CHRND: variants seen among roughly 807,000 people sequenced by gnomAD.
CHRND encodes the protein acetylcholine receptor subunit delta.
A neutral mutation model predicts 57.8 loss-of-function variants in CHRND; 40 were observed. That is an observed-to-expected ratio of 0.69 (90% confidence interval 0.54 to 0.90). The LOEUF (loss-of-function observed/expected upper bound fraction) is 0.90. CHRND is among the 40% of genes least tolerant of loss of function. The pLI is 0.00. For missense variants in CHRND, 634 were observed against 673.9 expected (o/e 0.94, Z 0.66); for synonymous variants, 237 against 270.6 (o/e 0.88, Z 1.22).
Position 232,526,198 on chromosome 2 carries a change from C to G in CHRND, c.-18C>G, listed in dbSNP as rs1396299411. The G allele has an allele frequency of 6.2e-7, 1 of 1,607,890 alleles. No homozygotes were observed. The highest frequency in any genetic ancestry group is 1.1e-5 in the South Asian group (1 of 90,878). On this transcript the variant is annotated 5_prime_UTR_variant, in exon 1 of 12. Transcript: ENST00000258385. Reference sequence around the variant, plus strand: ...GTAGACAGGAGGGGCAGATGCACGTCCCAGTCAGAGGGATGGGATGGAGGG... The same window carrying G: ...GTAGACAGGAGGGGCAGATGCACGTGCCAGTCAGAGGGATGGGATGGAGGG...
intron 5 of CHRND, 65 bp from the exon 6 acceptor site, chr2:232,528,797 C>T (rs1691578173): frequency 6.4e-7 from 1 of 1,570,428 alleles, no homozygotes; most frequent in African/African-American, 1.4e-5. Context: ...CCCTTACCAG[C>T]CCTTCCCCAC....
intron 2 of CHRND, 25 bp from the exon 3 acceptor site, chr2:232,527,376 G>C: frequency 6.3e-7 from 1 of 1,592,518 alleles, no homozygotes; most frequent in Non-Finnish European, 8.6e-7. Flanking sequence ...TGGCCCTGAA[G>C]GATGGCCCTA....
Position 232,531,437 on chromosome 2 carries a change from A to G in CHRND, c.906A>G (p.Thr302=). 6.2e-7 allele frequency: 1 copy of G among 1,613,850 alleles called. No individual in the cohort carries two copies. The highest frequency in any genetic ancestry group is 8.5e-7 in the Non-Finnish European group (1 of 1,179,934). Residue 302 remains threonine, a synonymous_variant, in exon 8 of 12, where the codon ACA becomes ACG. Transcript: ENST00000258385. ...LLLISKRLPA[T]SMAIPLIGKF... is the part of the protein sequence containing the mutation. The stretch of plus-strand genomic sequence containing the variant: ...TCATCTCCAAGCGTCTGCCTGCCAC[A>G]TCCATGGCCATCCCCCTTATCGGCA...
chr2:232,529,857 C>A, intron 6 of CHRND, 82 bp from the exon 7 acceptor site: 1 of 1,487,802 alleles, frequency 6.7e-7, no homozygotes, highest in South Asian at 1.2e-5. Flanking sequence ...GCTTGCCCTG[C>A]CCAGCCCCTC....
At position 232,531,643 on chromosome 2, in the gene CHRND, AG is replaced by A. The variant is rs751265469; in HGVS notation, c.1039del (p.Val347SerfsTer89). On this transcript the variant is annotated frameshift_variant, in exon 9 of 12. Coordinates refer to ENST00000258385, the MANE Select transcript of CHRND (RefSeq NM_000751.3). LOFTEE classifies it high-confidence loss of function. Reference protein sequence around the residue: ...FRTPSTHVLSEGVKKLFLETL... With the variant: ...FRTPSTHVLSXGVKKLFLETL... ...ACACCCAGCACCCATGTGCTGTCTGAGGGGGTCAAGAAGGTGAGTACTTGGC... is the reference window on the plus strand; with the variant it reads ...ACACCCAGCACCCATGTGCTGTCTGAGGGGTCAAGAAGGTGAGTACTTGGC... 6.2e-7 allele frequency: 1 copy of A among 1,613,198 alleles called. No homozygotes were observed.
intron 7 of CHRND, 149 bp from the exon 8 acceptor site, chr2:232,531,203 T>A: frequency 1.4e-6 from 1 of 702,864 alleles, no homozygotes; most frequent in Admixed American, 2.1e-5. Context: ...GCACTCTAGC[T>A]CCATAACCCG....
At chr2:232,526,322 C>A in intron 1 of CHRND, 55 bp downstream of exon 1, 1 of 1,579,538 alleles carries the variant, frequency 6.3e-7, no homozygotes, top group South Asian at 1.1e-5. Flanking sequence ...TACCCAGGCC[C>A]CACACCGCAT....
Position 232,531,390 on chromosome 2 carries a change from G to T in CHRND, c.859G>T (p.Ala287Ser), listed in dbSNP as rs1691690683. ...ATCAGTGGCCATCTCGGTGCTCCTG[G>T]CTCAGTCTGTCTTCCTGCTGCTCAT... ...KTSVAISVLLAQSVFLLLISK... is the reference protein window; with the variant it reads ...KTSVAISVLLSQSVFLLLISK... Residue 287 changes from alanine to serine, a missense_variant, in exon 8 of 12, where the codon GCT becomes TCT. Ala to Ser is a moderately conservative substitution (Grantham distance 99, BLOSUM62 1). Transcript: ENST00000258385. 7 of 1,613,864 alleles carry T rather than the reference G, an allele frequency of 4.3e-6. No individual in the cohort carries two copies. Among genetic ancestry groups the T allele is most frequent in the Non-Finnish European group, 5.9e-6 (7 of 1,180,000 alleles).
intron 9 of CHRND, among the ~76,000 whole-genome samples, chr2:232,533,489 C>T (rs532782580): frequency 5.9e-5 from 9 of 152,268 alleles, no homozygotes; most frequent in Admixed American, 4.6e-4. Flanking sequence ...AGTAGGAGAT[C>T]GGGGAATCAA....
chr2:232,534,442 C>G, intron 11 of CHRND, 100 bp downstream of exon 11: 1 of 1,173,204 alleles, frequency 8.5e-7, no homozygotes, highest in South Asian at 1.3e-5. Flanking sequence ...AGGCACACAC[C>G]AACTTAGATG....
At position 232,531,425 on chromosome 2, in the gene CHRND, T is replaced by A; in HGVS notation, c.894T>A (p.Arg298=). The change falls in exon 8 of 12, where the codon CGT becomes CGA. Residue 298 remains arginine, a synonymous_variant. Coordinates refer to ENST00000258385, the MANE Select transcript of CHRND (RefSeq NM_000751.3). ...TCTTCCTGCTGCTCATCTCCAAGCG[T>A]CTGCCTGCCACATCCATGGCCATCC... The part of the protein sequence containing the change: ...QSVFLLLISK[R]LPATSMAIPL... 6.2e-7 allele frequency: 1 copy of A among 1,613,948 alleles called. No homozygotes were observed. The highest frequency in any genetic ancestry group is 8.5e-7 in the Non-Finnish European group (1 of 1,180,002).
intron 7 of CHRND, 53 bp downstream of exon 7, chr2:232,530,192 C>G: frequency 6.4e-7 from 1 of 1,555,660 alleles, no homozygotes; most frequent in Non-Finnish European, 8.9e-7. Flanking sequence ...CACCTGAGCA[C>G]AGCCAGCCCC....
At chr2:232,532,535 G>A (rs1691744312) in intron 9 of CHRND, among the ~76,000 whole-genome samples, 1 of 151,552 alleles carries the variant, frequency 6.6e-6, no homozygotes, top group Non-Finnish European at 1.5e-5. Flanking sequence ...TGTAGAATGG[G>A]TAAAGACACT....
chr2:232,534,357 G>T lies in CHRND; in HGVS notation c.1371+15G>T, dbSNP rs1355799528. 2 of 1,610,904 alleles carry T rather than the reference G, an allele frequency of 1.2e-6. No individual in the cohort carries two copies. Among genetic ancestry groups the T allele is most frequent in the Non-Finnish European group, 1.7e-6 (2 of 1,177,012 alleles). On this transcript the variant is annotated intron_variant, in intron 11 of 11. Coordinates refer to ENST00000258385, the MANE Select transcript of CHRND (RefSeq NM_000751.3). ...ATTACAATGAGGTAAGGGACCACAG[G>T]ATTGCCATGTACAGGTGTTCAAGTA...
chr2:232,534,989 C>A (rs1426922546), intron 11 of CHRND, 141 bp from the exon 12 acceptor site: 3 of 942,558 alleles, frequency 3.2e-6, no homozygotes, highest in Non-Finnish European at 4.8e-6. Context: ...TGGGGACAAG[C>A]CAGCATTATC....
chr2:232,527,699 G>A (rs1691534298), intron 3 of CHRND, among the ~76,000 whole-genome samples: 1 of 152,200 alleles, frequency 6.6e-6, no homozygotes, highest in African/African-American at 2.4e-5. Context: ...AGCCGAGATT[G>A]CGCCACTGCA....
chr2:232,528,359 T>C lies in CHRND; in HGVS notation c.341T>C (p.Val114Ala). 6.2e-7 allele frequency: 1 copy of C among 1,614,122 alleles called. No homozygotes were observed. The highest frequency in any genetic ancestry group is 1.1e-5 in the South Asian group (1 of 91,072). ...GACATGGTGTGGCTCCCAGAGATTG[T>C]GCTGGAGAACAAGTTGAGCCAAGCC... Reference protein sequence around the residue: ...PPDMVWLPEIVLENNNDGSFQ... With the variant: ...PPDMVWLPEIALENNNDGSFQ... The change falls in exon 4 of 12, where the codon GTG (valine) becomes GCG (alanine). Residue 114 changes from valine (V) to alanine (A), a missense_variant. Transcript: ENST00000258385.
At position 232,530,043 on chromosome 2, in the gene CHRND, A is replaced by G; in HGVS notation, c.724A>G (p.Ile242Val). The part of the protein sequence containing the change: ...SRQDITFYLI[I>V]RRKPLFYIIN... ...CCAGGACATCACCTTCTACCTCATC[A>G]TCCGCCGCAAGCCCCTCTTCTACAT... The change falls in exon 7 of 12, where the codon ATC (isoleucine) becomes GTC (valine). Residue 242 changes from isoleucine (I) to valine (V), a missense_variant. Ile to Val is a conservative substitution (Grantham distance 29). Transcript: ENST00000258385. The G allele has an allele frequency of 1.2e-6, 2 of 1,613,822 alleles. No homozygotes were observed. The highest frequency in any genetic ancestry group is 1.7e-6 in the Non-Finnish European group (2 of 1,179,950).
intron 9 of CHRND, among the ~76,000 whole-genome samples, chr2:232,531,970 A>AAAAAAAAAAAAAAG (rs1391577789): frequency 7.4e-6 from 1 of 135,220 alleles, no homozygotes; most frequent in African/African-American, 2.6e-5. Flanking sequence ...AAAAAAAAAA[A>AAAAAAAAAAAAAAG]AAAAGAAATG....
Sources: allele counts gnomAD v4.1 joint callset (sites outside exome capture counted in the v4.1 genomes callset), GRCh38; gene constraint gnomAD v4.1.1; transcripts MANE v1.5; gene names NCBI Gene and HGNC (gene_info 2026-07-23, HGNC 2026-07-21).